Variants in ZNF236 observed in about 807,000 individuals in gnomAD.
ZNF236 encodes zinc finger protein 236.
In ZNF236, 50 loss-of-function variants were observed where a neutral mutation model predicts 191.2. The observed-to-expected ratio is 0.26, with a 90% CI of 0.21 to 0.33. ZNF236 has a LOEUF of 0.33. Ranked by LOEUF, ZNF236 falls within the 10% of genes least tolerant of loss-of-function variation. ZNF236 has a pLI of 1.00. For synonymous variants in ZNF236, 907 were observed against 928.8 expected (o/e 0.98, Z 0.43); for missense variants, 1,754 against 2,374.5 (o/e 0.74, Z 5.43).
Position 76,881,391 on chromosome 18 carries a change from C to T in ZNF236, c.1296C>T (p.Ser432=), listed in dbSNP as rs574501723. ...CACACGCTCAAAACCCAGATGTTTC[C>T]AGCGTTTCAAATGAGCAGACGGACC... The part of the protein sequence containing the change: ...SAPHAQNPDV[S]SVSNEQTDPT... The change falls in exon 9 of 31, where the codon TCC becomes TCT. Residue 432 remains serine (S), a synonymous_variant. Transcript: ENST00000320610. 1 of 1,613,970 alleles carries T rather than the reference C, an allele frequency of 6.2e-7. No homozygotes were observed. The highest frequency in any genetic ancestry group is 1.1e-5 in the South Asian group (1 of 91,054).
At position 76,914,599 on chromosome 18, in the gene ZNF236, C is replaced by T. The variant is rs890050444; in HGVS notation, c.3061+701C>T. Among the ~76,000 whole-genome samples the T allele has an allele frequency of 2.6e-5, 4 of 152,290 alleles. No homozygotes were observed. The East Asian group carries it at 7.7e-4, about 29-fold the overall frequency. On this transcript the variant is annotated intron_variant, in intron 18 of 30. Transcript: ENST00000320610. ...ACCGGCCTTGTGGATGGTCATGAGC[C>T]TTCCCACGTGCCATTGTGGTTTTGC...
At position 76,960,176 on chromosome 18, in the gene ZNF236, A is replaced by G. The variant is rs961659536; in HGVS notation, c.5242+360A>G. Among the ~76,000 whole-genome samples the G allele has an allele frequency of 3.9e-5, 6 of 152,086 alleles. No homozygotes were observed. Among genetic ancestry groups the G allele is most frequent in the Admixed American group, 1.3e-4 (2 of 15,290 alleles). ...ATGTCACCGGGGAACTTAATTTTTA[A>G]TCTTCCTCTTCTGTCTTAAAACTTT... On this transcript the variant is annotated intron_variant, in intron 29 of 30. Coordinates refer to ENST00000320610, the MANE Select transcript of ZNF236 (RefSeq NM_001306089.2). The surrounding 1 kb of genome is among the most constrained non-coding windows in gnomAD (Gnocchi z 4.4).
chr18:76,895,017 C>A lies in ZNF236; in HGVS notation c.1422C>A (p.Ser474=). The A allele has an allele frequency of 1.2e-6, 2 of 1,608,758 alleles. No individual in the cohort carries two copies. Among genetic ancestry groups the A allele is most frequent in the Admixed American group, 3.3e-5 (2 of 60,012 alleles). ...IKKKSPFLPG[S]IREENGVRWH... Reference sequence around the variant, plus strand: ...ACGTGTCCTCTCCCTTCACAGGCTCCATCCGCGAGGAGAACGGCGTGCGCT... The same window carrying A: ...ACGTGTCCTCTCCCTTCACAGGCTCAATCCGCGAGGAGAACGGCGTGCGCT... The change falls in exon 10 of 31, where the codon TCC becomes TCA. Residue 474 remains serine, a synonymous_variant. Transcript: ENST00000320610.
intron 1 of ZNF236, among the ~76,000 whole-genome samples, chr18:76,849,045 C>T (rs1402099562): frequency 6.6e-6 from 1 of 152,178 alleles, no homozygotes; most frequent in East Asian, 1.9e-4. Context: ...AATATTTCTA[C>T]TAGAGTTTTG....
chr18:76,842,815 A>G (rs1036790497), intron 1 of ZNF236, among the ~76,000 whole-genome samples: 7 of 151,984 alleles, frequency 4.6e-5, no homozygotes, highest in Middle Eastern at 3.2e-3. Flanking sequence ...CAGGTTAGGG[A>G]TGAATTTTCC....
At chr18:76,878,506 T>C (rs1338756607) in intron 7 of ZNF236, among the ~76,000 whole-genome samples, 2 of 152,234 alleles carry the variant, frequency 1.3e-5, no homozygotes, top group East Asian at 3.8e-4. Context: ...GTGACAGTGA[T>C]AATTTTTCCT....
intron 26 of ZNF236, among the ~76,000 whole-genome samples, chr18:76,946,262 C>T (rs998056692): frequency 6.6e-6 from 1 of 152,182 alleles, no homozygotes; most frequent in African/African-American, 2.4e-5. Context: ...ACAAGCTCTC[C>T]TCTCTTTGCT....
In ZNF236 at chr18:76,866,472, C is replaced by T. The variant is rs553262694; in HGVS notation, c.364-2213C>T. Among the ~76,000 whole-genome samples, 15 of 152,270 alleles carry T rather than the reference C, an allele frequency of 9.9e-5. No homozygotes were observed. In the East Asian group the frequency reaches 1.9e-3, roughly 20 times the overall value. On this transcript the variant is annotated intron_variant, in intron 3 of 30. Transcript: ENST00000320610. ...GGAGAAGGGGAAAATCCCAAACACT[C>T]GGAGTCTGGTGAACACACGCTGCCA...
At chr18:76,890,047 G>A (rs1281122740) in intron 9 of ZNF236, among the ~76,000 whole-genome samples, 1 of 152,160 alleles carries the variant, frequency 6.6e-6, no homozygotes, top group Non-Finnish European at 1.5e-5. Flanking sequence ...ATGCTGCAGT[G>A]GCCGTGTGTG....
intron 7 of ZNF236, among the ~76,000 whole-genome samples, chr18:76,879,490 T>G (rs1976813339): frequency 6.6e-6 from 1 of 152,192 alleles, no homozygotes; most frequent in East Asian, 1.9e-4. Context: ...CTCAGAGTTG[T>G]CCATTCAACG....
chr18:76,935,980 G>A (rs1444844539), intron 25 of ZNF236: 1 of 457,076 alleles, frequency 2.2e-6, no homozygotes, highest in Non-Finnish European at 4.4e-6. Context: ...GCTTTTGAAG[G>A]TTCCAGGTCT....
chr18:76,849,717 G>C lies in ZNF236; in HGVS notation c.198+49G>C, dbSNP rs369181478. The stretch of plus-strand genomic sequence containing the variant: ...CAGGAATGTGAGCGTTGAAACTGGA[G>C]GTATTGTAAAAATGAACAAGTAAAA... On this transcript the variant is annotated intron_variant, in intron 2 of 30. Transcript: ENST00000320610. 3 of 1,415,694 alleles carry C rather than the reference G, an allele frequency of 2.1e-6. No homozygotes were observed. In the African/African-American group the frequency reaches 4.4e-5, roughly 21 times the overall value. The allele number at this position is 1,415,694 out of a possible 1,614,324, so 87.7% of individuals were successfully genotyped here.
In ZNF236 at chr18:76,968,537, CTCTTT is replaced by C; in HGVS notation, c.*200_*204del. 7.4e-7 allele frequency: 1 copy of C among 1,351,034 alleles called. No homozygotes were observed. Among genetic ancestry groups the C allele is most frequent in the Non-Finnish European group, 9.4e-7 (1 of 1,059,876 alleles). 83.7% of individuals were successfully genotyped at this position (1,351,034 alleles called of 1,614,324 possible). On this transcript the variant is annotated 3_prime_UTR_variant, in exon 31 of 31. Coordinates refer to ENST00000320610, the MANE Select transcript of ZNF236 (RefSeq NM_001306089.2). ...CTAGGAAAAGTGTCACCGCATTGTTCTCTTTTGTCTACAAATCACTGAACTCAGGT... is the reference window on the plus strand; with the variant it reads ...CTAGGAAAAGTGTCACCGCATTGTTCTGTCTACAAATCACTGAACTCAGGT...
chr18:76,885,764 A>G (rs1451687436), intron 9 of ZNF236: 1 of 152,470 alleles, frequency 6.6e-6, no homozygotes, highest in Non-Finnish European at 1.5e-5. Context: ...ATGTCTGAGC[A>G]GACAAGAGGA....
At position 76,969,010 on chromosome 18, in the gene ZNF236, A is replaced by G. The variant is rs903852935; in HGVS notation, c.*671A>G. The G allele has an allele frequency of 1.1e-5, 11 of 984,340 alleles. No homozygotes were observed. The highest frequency in any genetic ancestry group is 1.7e-5 in the African/African-American group (1 of 57,194). 61.0% of individuals were successfully genotyped at this position (984,340 alleles called of 1,614,324 possible). The stretch of plus-strand genomic sequence containing the variant: ...GGACTCGAGTAAACCTGACCCACCA[A>G]TAAGGATTCAGCTGTCCACACGGGC... On this transcript the variant is annotated 3_prime_UTR_variant, in exon 31 of 31. Transcript: ENST00000320610.
chr18:76,839,371 C>A (rs1021065670), intron 1 of ZNF236, among the ~76,000 whole-genome samples: 3 of 152,188 alleles, frequency 2.0e-5, no homozygotes, highest in Non-Finnish European at 4.4e-5. Flanking sequence ...CAGTTACTTT[C>A]TTTTCTCATC....
intron 3 of ZNF236, among the ~76,000 whole-genome samples, chr18:76,865,399 C>T (rs920121208): frequency 1.3e-5 from 2 of 152,102 alleles, no homozygotes; most frequent in Non-Finnish European, 2.9e-5. Context: ...ACATTGTCTC[C>T]AAGAAACTTA....
intron 11 of ZNF236, among the ~76,000 whole-genome samples, 162 bp downstream of exon 11, chr18:76,899,384 T>G (rs371085713): frequency 1.3e-5 from 2 of 152,242 alleles, no homozygotes; most frequent in East Asian, 3.8e-4. Flanking sequence ...TGGACTAGTA[T>G]GTTTTACAGT....
intron 9 of ZNF236, 30 bp downstream of exon 9, chr18:76,881,542 A>G: frequency 6.3e-6 from 10 of 1,586,936 alleles, no homozygotes; most frequent in Non-Finnish European, 8.6e-6. Flanking sequence ...AAGTTTGGAC[A>G]TTTGGGATAG....
Sources: gnomAD v4.1 joint callset for allele counts (sites outside exome capture counted in the v4.1 genomes callset) on GRCh38, gnomAD v4.1.1 for gene constraint, Gnocchi (gnomAD v3.1) non-coding constraint, MANE v1.5 for transcripts, NCBI Gene and HGNC (gene_info 2026-07-23, HGNC 2026-07-21) for gene names.